Variants in NXPE2 observed in about 807,000 individuals in gnomAD.
NXPE2 encodes NXPE family member 2.
NXPE2 carries 34 observed loss-of-function variants against 34.4 expected under a neutral mutation model. The ratio of observed to expected loss-of-function variants is 0.99; its 90% CI spans 0.75 to 1.31. The LOEUF (loss-of-function observed/expected upper bound fraction) is 1.31. NXPE2 is among the 40% of genes most tolerant of loss of function. NXPE2 has a pLI of 0.00. For missense variants in NXPE2, 649 were observed against 672.5 expected, an observed-to-expected ratio of 0.97 and a Z score of 0.39; for synonymous variants, 235 against 231.3, an observed-to-expected ratio of 1.02 and a Z score of -0.15.
the NXPE2 span, among the ~76,000 whole-genome samples, chr11:114,795,201 C>T: frequency 3.3e-5 from 5 of 152,212 alleles, no homozygotes; most frequent in African/African-American, 9.6e-5. Context: ...AGAAAGCCTT[C>T]CCAGTTTGCA....
chr11:114,717,175 C>T, the NXPE2 span, among the ~76,000 whole-genome samples: 1 of 152,138 alleles, frequency 6.6e-6, no homozygotes, highest in Non-Finnish European at 1.5e-5. Context: ...CTCTTCTTGG[C>T]TCCACCATGA....
chr11:114,748,179 T>G, the NXPE2 span, among the ~76,000 whole-genome samples: 1 of 152,242 alleles, frequency 6.6e-6, no homozygotes, highest in Non-Finnish European at 1.5e-5. Context: ...ATATTTTGTT[T>G]TGAAACAATT....
chr11:114,662,978 G>C, the NXPE2 span, among the ~76,000 whole-genome samples: 1 of 152,110 alleles, frequency 6.6e-6, no homozygotes, highest in Admixed American at 6.6e-5. Flanking sequence ...CAATGGAGGA[G>C]AGCAACAAGC....
the NXPE2 span, among the ~76,000 whole-genome samples, chr11:114,606,613 G>A: frequency 1.3e-5 from 2 of 151,680 alleles, no homozygotes; most frequent in Non-Finnish European, 1.5e-5. Flanking sequence ...ACTGTTACCT[G>A]GTGGATAATA....
At chr11:114,613,100 C>G in the NXPE2 span, among the ~76,000 whole-genome samples, 11 of 137,950 alleles carry the variant, frequency 8.0e-5, no homozygotes, top group African/African-American at 3.1e-4. Flanking sequence ...GCATTGCCTC[C>G]CAGGTAACCA....
the NXPE2 span, among the ~76,000 whole-genome samples, chr11:114,600,396 T>G: frequency 6.6e-6 from 1 of 152,130 alleles, no homozygotes; most frequent in Non-Finnish European, 1.5e-5. Context: ...CCTCATTCCT[T>G]CATTTACCAA....
At chr11:114,719,253 T>C in the NXPE2 span, among the ~76,000 whole-genome samples, 1 of 152,106 alleles carries the variant, frequency 6.6e-6, no homozygotes, top group African/African-American at 2.4e-5. Context: ...TTTACCTCCC[T>C]CCCAATCCAA....
intron 2 of NXPE2, among the ~76,000 whole-genome samples, chr11:114,687,692 C>T (rs1479362747): frequency 6.6e-6 from 1 of 151,992 alleles, no homozygotes; most frequent in African/African-American, 2.4e-5. Context: ...TTGCTTTGGG[C>T]AGTATGGACA....
At chr11:114,591,808 C>T in the NXPE2 span, among the ~76,000 whole-genome samples, 1 of 152,056 alleles carries the variant, frequency 6.6e-6, no homozygotes. Context: ...TGTAGGTGAA[C>T]AGGAGATGTC....
the NXPE2 span, among the ~76,000 whole-genome samples, chr11:114,806,196 C>T: frequency 6.6e-6 from 1 of 152,048 alleles, no homozygotes; most frequent in African/African-American, 2.4e-5. Context: ...CCCATCTGTA[C>T]GTCACCATCA....
the NXPE2 span, among the ~76,000 whole-genome samples, chr11:114,766,773 G>A: frequency 0.036 from 5,508 of 152,124 alleles, 343 homozygotes; most frequent in African/African-American, 0.13. Flanking sequence ...CAGTCTGCTA[G>A]TGAATTATTT....
chr11:114,678,369 C>A, upstream of NXPE2: 1 of 455,000 alleles, frequency 2.2e-6, no homozygotes, highest in Non-Finnish European at 3.9e-6. Flanking sequence ...ATGGCTTTTT[C>A]CTTCTGGCTC....
the NXPE2 span, among the ~76,000 whole-genome samples, chr11:114,491,618 A>G: frequency 6.6e-6 from 1 of 152,196 alleles, no homozygotes. Context: ...TCAGGGATCT[A>G]GAACTAGAAA....
chr11:114,668,010 T>C, the NXPE2 span, among the ~76,000 whole-genome samples: 14,004 of 151,898 alleles, frequency 0.092, 765 homozygotes, highest in Middle Eastern at 0.2. Flanking sequence ...TTTGTAACAG[T>C]GAGGTTGAGG....
the NXPE2 span, among the ~76,000 whole-genome samples, chr11:114,779,391 C>T: frequency 2.6e-5 from 4 of 152,096 alleles, no homozygotes; most frequent in Admixed American, 6.5e-5. Context: ...GACTCAGGTG[C>T]ACCTGGGAAG....
At chr11:114,714,779 T>C in the NXPE2 span, among the ~76,000 whole-genome samples, 1 of 152,130 alleles carries the variant, frequency 6.6e-6, no homozygotes, top group East Asian at 1.9e-4. Flanking sequence ...ATCCCAGCAC[T>C]TTGGGAGGCC....
the NXPE2 span, chr11:114,531,029 A>AAT: frequency 9.3e-7 from 1 of 1,071,266 alleles, no homozygotes; most frequent in Non-Finnish European, 1.2e-6. Flanking sequence ...TTTGTTACCA[A>AAT]ATTGAATATT....
chr11:114,491,682 T>A, the NXPE2 span, among the ~76,000 whole-genome samples: 8 of 152,114 alleles, frequency 5.3e-5, no homozygotes, highest in African/African-American at 1.9e-4. Context: ...GGATTATAAA[T>A]CATGCTGCTA....
the NXPE2 span, among the ~76,000 whole-genome samples, chr11:114,481,027 A>G: frequency 2.6e-5 from 4 of 152,138 alleles, no homozygotes; most frequent in Non-Finnish European, 5.9e-5. Context: ...GGATTTGTCG[A>G]GGTCCCGTCA....
Sources: allele counts gnomAD v4.1 joint callset (sites outside exome capture counted in the v4.1 genomes callset), GRCh38; gene constraint gnomAD v4.1.1; transcripts MANE v1.5; gene names NCBI Gene and HGNC (gene_info 2026-07-23, HGNC 2026-07-21).